The following KANSL3 variants were observed in gnomAD, a reference collection of about 807,000 sequenced individuals.
KANSL3 encodes the protein NSL complex protein NSL3.
KANSL3 carries 16 observed loss-of-function variants against 89.2 expected under a neutral mutation model. The ratio of observed to expected loss-of-function variants is 0.18; its 90% CI spans 0.12 to 0.27. The LOEUF (loss-of-function observed/expected upper bound fraction) is 0.27, where lower values mean the gene tolerates loss of function less well. Among genes scored for constraint, KANSL3 ranks in the 10% least tolerant of loss-of-function variants. The pLI, the probability that KANSL3 is intolerant of heterozygous loss-of-function variation, is 1.00. For synonymous variants in KANSL3, 385 were observed against 419.7 expected (o/e 0.92, Z 1.01); for missense variants, 879 against 1,110.6 (o/e 0.79, Z 2.96).
intron 12 of KANSL3, 36 bp from the exon 13 acceptor site, chr2:96,609,100 C>A: frequency 1.3e-6 from 2 of 1,524,756 alleles, no homozygotes; most frequent in Non-Finnish European, 1.8e-6. Context: ...GCCTTTTAGT[C>A]CTCATCTGGA....
At chr2:96,626,706 A>G (rs2072395937) in intron 3 of KANSL3, among the ~76,000 whole-genome samples, 1 of 152,200 alleles carries the variant, frequency 6.6e-6, no homozygotes, top group Non-Finnish European at 1.5e-5. Flanking sequence ...TCTGGAGGGA[A>G]AAAAAAGCTG....
chr2:96,627,783 T>C, intron 3 of KANSL3: 3 of 530,134 alleles, frequency 5.7e-6, no homozygotes, highest in Non-Finnish European at 9.3e-6. Flanking sequence ...AACACGATGA[T>C]TATAATCAGA....
Position 96,601,787 on chromosome 2 carries a change from G to GA in KANSL3, c.2483-12dup. On this transcript the variant is annotated splice_polypyrimidine_tract_variant and intron_variant, in intron 19 of 20. Coordinates refer to ENST00000431828, the MANE Select transcript of KANSL3 (RefSeq NM_001115016.3). ...TGGGGACCTTCAAGCCTGAGATAAA[G>GA]AGAGAGAAGCAGAATTTTTGAGTCA... 6.5e-7 allele frequency: 1 copy of GA among 1,545,788 alleles called. No homozygotes were observed. The highest frequency in any genetic ancestry group is 8.7e-7 in the Non-Finnish European group (1 of 1,148,220).
chr2:96,609,950 CAAAAAAAAAAAA>C (rs35175492), intron 11 of KANSL3, among the ~76,000 whole-genome samples: 10 of 21,614 alleles, frequency 4.6e-4, no homozygotes, highest in African/African-American at 8.2e-4. Context: ...GGCGCCACCT[CAAAAAAAAAAAA>C]AAAAAAAAAA....
intron 3 of KANSL3, among the ~76,000 whole-genome samples, chr2:96,622,739 CACTT>C (rs1466153756): frequency 1.3e-5 from 2 of 152,218 alleles, no homozygotes; most frequent in African/African-American, 4.8e-5. Flanking sequence ...GACTGATCCT[CACTT>C]ACTTCAGTCA....
chr2:96,631,509 G>A (rs375434286), intron 2 of KANSL3, 27 bp from the exon 3 acceptor site: 65 of 1,553,338 alleles, frequency 4.2e-5, no homozygotes, highest in East Asian at 1.9e-4. Flanking sequence ...AAATAGGACC[G>A]GGCCACACAT....
Position 96,612,914 on chromosome 2 carries a change from C to G in KANSL3, c.816G>C (p.Pro272=), listed in dbSNP as rs910453709. 6.4e-7 allele frequency: 1 copy of G among 1,563,902 alleles called. No individual in the cohort carries two copies. The highest frequency in any genetic ancestry group is 1.4e-5 in the African/African-American group (1 of 73,724). Reference sequence around the variant, plus strand: ...GACCAGAGGAGGCGATGAGAATCAGCGGAGAGCCAGGGAGTTTGCTCTAAA... The same window carrying G: ...GACCAGAGGAGGCGATGAGAATCAGGGGAGAGCCAGGGAGTTTGCTCTAAA... ...HNKPSKLPGS[P]LILIASSGPS... Residue 272 remains proline (P), a synonymous_variant, in exon 7 of 21, where the codon CCG becomes CCC. Transcript: ENST00000431828.
downstream of KANSL3, among the ~76,000 whole-genome samples, chr2:96,592,328 G>C (rs952577503): frequency 1.3e-5 from 2 of 152,164 alleles, no homozygotes; most frequent in African/African-American, 4.8e-5. Context: ...AAATAATCTA[G>C]AGGTTGGAAT....
chr2:96,583,821 T>G, the KANSL3 span, among the ~76,000 whole-genome samples: 1 of 152,368 alleles, frequency 6.6e-6, no homozygotes, highest in South Asian at 2.1e-4. Flanking sequence ...TGGTTTACTA[T>G]AATAGACTAC....
the KANSL3 span, among the ~76,000 whole-genome samples, chr2:96,587,972 A>G: frequency 3.3e-5 from 5 of 152,206 alleles, no homozygotes; most frequent in Non-Finnish European, 7.3e-5. Context: ...AAGAGAACAA[A>G]CCAACAGAAA....
intron 12 of KANSL3, 120 bp from the exon 13 acceptor site, chr2:96,609,184 C>A: frequency 1.1e-6 from 1 of 916,882 alleles, no homozygotes; most frequent in Non-Finnish European, 1.7e-6. Flanking sequence ...TGTGCCAGTC[C>A]TTCCCCACTC....
At chr2:96,631,929 C>G (rs999502450) in intron 2 of KANSL3, among the ~76,000 whole-genome samples, 8 of 151,976 alleles carry the variant, frequency 5.3e-5, no homozygotes, top group African/African-American at 1.9e-4. Flanking sequence ...ACCTGTGATC[C>G]CAGCTACTAA....
At chr2:96,606,462 G>C (rs945374852) in intron 14 of KANSL3, 2 of 153,326 alleles carry the variant, frequency 1.3e-5, no homozygotes, top group Admixed American at 6.5e-5. Context: ...ACATGAGGAG[G>C]GAGGAGGGGT....
At chr2:96,592,453 T>C (rs145305473), downstream of KANSL3, among the ~76,000 whole-genome samples, 9 of 152,314 alleles carry the variant, frequency 5.9e-5, no homozygotes, top group East Asian at 3.9e-4. Context: ...CCTACTGACG[T>C]AGGCTCAGCC....
intron 3 of KANSL3, among the ~76,000 whole-genome samples, chr2:96,624,397 CTAAG>C (rs1383439416): frequency 1.3e-5 from 2 of 152,146 alleles, no homozygotes; most frequent in Non-Finnish European, 2.9e-5. Context: ...TTTTCAAAGG[CTAAG>C]TAAGTTCTAC....
chr2:96,597,637 C>G (rs549750011), intron 20 of KANSL3, among the ~76,000 whole-genome samples: 2 of 152,254 alleles, frequency 1.3e-5, no homozygotes, highest in South Asian at 2.1e-4. Context: ...GAGTCTGGCT[C>G]TGTTGCCCAG....
chr2:96,585,243 G>C, the KANSL3 span, among the ~76,000 whole-genome samples: 1 of 152,008 alleles, frequency 6.6e-6, no homozygotes, highest in Non-Finnish European at 1.5e-5. Flanking sequence ...ATCCAACAAA[G>C]GACTAATAAC....
chr2:96,595,204 G>C lies in KANSL3; in HGVS notation c.*407C>G, dbSNP rs371592331. The C allele has an allele frequency of 5.5e-4, 89 of 161,608 alleles. 1 individual carries two copies. In the South Asian group the frequency reaches 0.016, roughly 30 times the overall value. 10.0% of individuals were successfully genotyped at this position (161,608 alleles called of 1,614,324 possible). On this transcript the variant is annotated 3_prime_UTR_variant, in exon 21 of 21. Coordinates refer to ENST00000431828, the MANE Select transcript of KANSL3 (RefSeq NM_001115016.3). ...TTCCATTCTAACTCCCGAAATCCCAGACCAGATGGATGTCTCCTCCCAACT... is the reference window on the plus strand; with the variant it reads ...TTCCATTCTAACTCCCGAAATCCCACACCAGATGGATGTCTCCTCCCAACT...
chr2:96,629,242 T>C (rs1463576717), intron 3 of KANSL3, among the ~76,000 whole-genome samples: 1 of 152,244 alleles, frequency 6.6e-6, no homozygotes, highest in Admixed American at 6.5e-5. Flanking sequence ...ATCCTTTTGC[T>C]GAATATACTG....
Sources: gnomAD v4.1 joint callset for allele counts (sites outside exome capture counted in the v4.1 genomes callset) on GRCh38, gnomAD v4.1.1 for gene constraint, MANE v1.5 for transcripts, NCBI Gene and HGNC (gene_info 2026-07-23, HGNC 2026-07-21) for gene names.